The following TG variants were observed in gnomAD, a reference collection of about 807,000 sequenced individuals.
The protein encoded by TG is thyroglobulin, also known as thyroid hormones.
In TG, 270 loss-of-function variants were observed where a neutral mutation model predicts 324.7. The observed-to-expected ratio is 0.83, with a 90% CI of 0.75 to 0.92. The LOEUF (loss-of-function observed/expected upper bound fraction) is 0.92, where lower values mean the gene tolerates loss of function less well. Among genes scored for constraint, TG ranks in the 40% least tolerant of loss-of-function variants. The pLI, the probability that TG is intolerant of heterozygous loss-of-function variation, is 0.00. For missense variants in TG, 3,591 were observed against 3,456.4 expected (o/e 1.04, Z -0.98); for synonymous variants, 1,401 against 1,327.0 (o/e 1.06, Z -1.21).
chr8:132,961,170 G>A, intron 28 of TG, 97 bp downstream of exon 28: 2 of 1,231,260 alleles, frequency 1.6e-6, no homozygotes, highest in African/African-American at 1.5e-5. Flanking sequence ...TTTCTGTAGA[G>A]GAATAGGTAG....
At chr8:132,935,613 CA>C in intron 24 of TG, 142 bp from the exon 25 acceptor site, 1 of 725,290 alleles carries the variant, frequency 1.4e-6, no homozygotes, top group Admixed American at 2.0e-5. Flanking sequence ...ACTGCTTACA[CA>C]TCTGTCTCCT....
Position 133,029,851 on chromosome 8 carries a change from T to G in TG, c.7067T>G (p.Leu2356Arg), listed in dbSNP as rs745569697. 3.1e-6 allele frequency: 5 copies of G among 1,614,088 alleles called. No homozygotes were observed. Among genetic ancestry groups the G allele is most frequent in the Non-Finnish European group, 4.2e-6 (5 of 1,180,008 alleles). ...GSGEVSGNWGLLDQVAALTWV... is the reference protein window; with the variant it reads ...GSGEVSGNWGRLDQVAALTWV... ...GGAGAGGTGAGTGGCAACTGGGGGC[T>G]GCTGGACCAGGTGGCGGCTCTGACC... Residue 2356 changes from leucine to arginine, a missense_variant, in exon 41 of 48, where the codon CTG (leucine) becomes CGG (arginine). Leu to Arg is a moderately radical substitution (Grantham distance 102, BLOSUM62 -2). Transcript: ENST00000220616.
chr8:133,021,927 G>C (rs559419746), intron 39 of TG, 64 bp from the exon 40 acceptor site: 1 of 1,605,810 alleles, frequency 6.2e-7, no homozygotes, highest in Non-Finnish European at 8.5e-7. Flanking sequence ...CCAAGAATCA[G>C]GCTCCAAGCA....
intron 43 of TG, among the ~76,000 whole-genome samples, chr8:133,101,819 A>G (rs1849291686): frequency 6.6e-6 from 1 of 152,040 alleles, no homozygotes; most frequent in Non-Finnish European, 1.5e-5. Context: ...ATCAGGTGCC[A>G]TTGGGCCCCA....
At chr8:133,051,723 A>C (rs1242502525) in intron 41 of TG, among the ~76,000 whole-genome samples, 1 of 152,184 alleles carries the variant, frequency 6.6e-6, no homozygotes, top group Non-Finnish European at 1.5e-5. Context: ...TTCTATCCTT[A>C]GTGATTTGAT....
intron 5 of TG, among the ~76,000 whole-genome samples, chr8:132,880,468 T>A (rs1025760241): frequency 2.0e-5 from 3 of 152,186 alleles, no homozygotes; most frequent in African/African-American, 7.2e-5. Flanking sequence ...ACCCCCTACC[T>A]CCCTATTAGT....
rs372291947 is a variant in TG at position 132,961,034 on chromosome 8, G to A, written c.5428G>A (p.Asp1810Asn). ...KSLTPLEGTQ[D>N]TFTNFQQVYL... ...TCTGACACCCTTAGAAGGAACTCAA[G>A]ACACCTTTACCAATTTTCAGCAGGT... is the stretch of plus-strand genomic sequence containing the variant. Residue 1810 changes from aspartate to asparagine, a missense_variant, in exon 28 of 48, where the codon GAC (aspartate) becomes AAC (asparagine). Physicochemically the swap from Asp to Asn is conservative, Grantham distance 23. Transcript: ENST00000220616. 6.2e-7 allele frequency: 1 copy of A among 1,614,054 alleles called. No individual in the cohort carries two copies. The highest frequency in any genetic ancestry group is 8.5e-7 in the Non-Finnish European group (1 of 1,179,958).
At chr8:133,012,877 T>C (rs1391210678) in intron 36 of TG, among the ~76,000 whole-genome samples, 1 of 152,202 alleles carries the variant, frequency 6.6e-6, no homozygotes, top group Non-Finnish European at 1.5e-5. Context: ...TCAGAACTGT[T>C]CTTAGGACTG....
chr8:132,960,872 G>C (rs1827649300), intron 27 of TG, 136 bp from the exon 28 acceptor site: 3 of 896,844 alleles, frequency 3.3e-6, no homozygotes, highest in Non-Finnish European at 5.6e-6. Flanking sequence ...AAGCTTCTGG[G>C]TTACATCTTA....
chr8:132,901,644 G>T, intron 16 of TG, 91 bp downstream of exon 16: 1 of 1,398,790 alleles, frequency 7.1e-7, no homozygotes, highest in Middle Eastern at 2.6e-4. Context: ...TGGGAAGGCA[G>T]GGGTGGGAGG....
At position 132,882,531 on chromosome 8, in the gene TG, A is replaced by G; in HGVS notation, c.808A>G (p.Thr270Ala). ...TTTTGCTGGCCTGGACCTTCCTTCC[A>G]CCTTCACTGAAACCACCCTGTACCG... is the stretch of plus-strand genomic sequence containing the variant. ...TIFAGLDLPS[T>A]FTETTLYRIL... The change falls in exon 7 of 48, where the codon ACC (threonine) becomes GCC (alanine). Residue 270 changes from threonine (T) to alanine (A), a missense_variant. Transcript: ENST00000220616. 2 of 1,614,136 alleles carry G rather than the reference A, an allele frequency of 1.2e-6. No homozygotes were observed. Among genetic ancestry groups the G allele is most frequent in the Non-Finnish European group, 1.7e-6 (2 of 1,180,020 alleles).
chr8:133,008,947 A>G (rs1834256986), intron 35 of TG, among the ~76,000 whole-genome samples: 1 of 152,210 alleles, frequency 6.6e-6, no homozygotes, highest in South Asian at 2.1e-4. Flanking sequence ...TTCATGAGAT[A>G]CTTGTGGACC....
At chr8:132,993,816 A>G (rs1832617277) in intron 35 of TG, among the ~76,000 whole-genome samples, 1 of 152,240 alleles carries the variant, frequency 6.6e-6, no homozygotes, top group African/African-American at 2.4e-5. Flanking sequence ...TTATATTTAA[A>G]GGATATGGAG....
intron 35 of TG, among the ~76,000 whole-genome samples, chr8:133,011,573 A>G (rs1191307301): frequency 1.3e-5 from 2 of 152,200 alleles, no homozygotes; most frequent in East Asian, 1.9e-4. Flanking sequence ...GTTGCTTTGT[A>G]ACAATTATAT....
chr8:133,095,343 C>CA, intron 42 of TG, 135 bp downstream of exon 42: 1 of 1,233,626 alleles, frequency 8.1e-7, no homozygotes, highest in Non-Finnish European at 1.2e-6. Flanking sequence ...AGCTGGAACT[C>CA]ACATTCCCTA....
At chr8:132,872,394 C>T (rs1839569939) in intron 4 of TG, among the ~76,000 whole-genome samples, 2 of 144,526 alleles carry the variant, frequency 1.4e-5, no homozygotes, top group South Asian at 2.3e-4. Flanking sequence ...AGGAGAATGG[C>T]GTGAACCCGG....
At chr8:132,901,661 A>G (rs1817951492) in intron 16 of TG, 108 bp downstream of exon 16, 2 of 1,195,140 alleles carry the variant, frequency 1.7e-6, no homozygotes, top group South Asian at 1.5e-5. Context: ...GAGGGGAGGC[A>G]GGAAGTGCAG....
chr8:133,038,966 C>G (rs988136538), intron 41 of TG, among the ~76,000 whole-genome samples: 1 of 152,190 alleles, frequency 6.6e-6, no homozygotes, highest in Non-Finnish European at 1.5e-5. Context: ...CAACCTCTGC[C>G]TCCCAGGCTC....
intron 4 of TG, among the ~76,000 whole-genome samples, chr8:132,872,207 G>A (rs1353607561): frequency 3.9e-5 from 6 of 152,012 alleles, no homozygotes; most frequent in East Asian, 1.9e-4. Flanking sequence ...GGCCGGGCGC[G>A]GTGGCTCACG....
Sources: allele counts gnomAD v4.1 joint callset (sites outside exome capture counted in the v4.1 genomes callset), GRCh38; gene constraint gnomAD v4.1.1; transcripts MANE v1.5; gene names NCBI Gene and HGNC (gene_info 2026-07-23, HGNC 2026-07-21).